BDKRB2: variants seen among roughly 807,000 people sequenced by gnomAD.
The protein encoded by BDKRB2 is B2 bradykinin receptor.
In BDKRB2, 6 loss-of-function variants were observed where a neutral mutation model predicts 4.0. That is an observed-to-expected ratio of 1.49 (90% CI 0.81 to 2.93). BDKRB2 has a LOEUF of 2.93. BDKRB2 is among the 30% of genes most tolerant of loss of function. BDKRB2 has a pLI of 0.00. For synonymous variants in BDKRB2, 225 were observed against 215.3 expected (o/e 1.05, Z -0.40); for missense variants, 478 against 520.1 (o/e 0.92, Z 0.79).
intron 1 of BDKRB2, among the ~76,000 whole-genome samples, chr14:96,224,828 T>A (rs577511350): frequency 6.6e-6 from 1 of 152,146 alleles, no homozygotes; most frequent in Non-Finnish European, 1.5e-5. Flanking sequence ...ATTCTGAAGG[T>A]TGACTCCCTC....
intron 1 of BDKRB2, among the ~76,000 whole-genome samples, chr14:96,224,688 C>A (rs1029081257): frequency 1.3e-5 from 2 of 152,186 alleles, no homozygotes; most frequent in South Asian, 4.1e-4. Context: ...TCAACATTTC[C>A]TGTCTTCTCT....
At chr14:96,236,098 A>G (rs1186615726) in intron 1 of BDKRB2, among the ~76,000 whole-genome samples, 2 of 152,188 alleles carry the variant, frequency 1.3e-5, no homozygotes, top group Admixed American at 6.5e-5. Flanking sequence ...AGGGTCGTCA[A>G]TGGAAGCCCC....
At position 96,241,187 on chromosome 14, in the gene BDKRB2, C is replaced by A; in HGVS notation, c.859C>A (p.Gln287Lys). The A allele has an allele frequency of 6.2e-7, 1 of 1,605,492 alleles. No homozygotes were observed. The highest frequency in any genetic ancestry group is 8.5e-7 in the Non-Finnish European group (1 of 1,173,898). The change falls in exon 3 of 3, where the codon CAG becomes AAG. Residue 287 changes from glutamine (Q) to lysine (K), a missense_variant. Gln to Lys is a moderately conservative substitution (Grantham distance 53). Transcript: ENST00000554311. ...LLFIICWLPFQISTFLDTLHR... is the reference protein window; with the variant it reads ...LLFIICWLPFKISTFLDTLHR... ...ATTCATCATCTGCTGGCTGCCCTTC[C>A]AGATCAGCACCTTCCTGGATACGCT... is the stretch of plus-strand genomic sequence containing the variant.
In BDKRB2 at chr14:96,241,317, T is replaced by G. The variant is rs1376663729; in HGVS notation, c.989T>G (p.Leu330Arg). Reference protein sequence around the residue: ...MAYSNSCLNPLVYVIVGKRFR... With the variant: ...MAYSNSCLNPRVYVIVGKRFR... The stretch of plus-strand genomic sequence containing the variant: ...TACAGCAACAGCTGCCTCAACCCAC[T>G]GGTGTACGTGATCGTGGGCAAGCGC... The change falls in exon 3 of 3, where the codon CTG (leucine) becomes CGG (arginine). Residue 330 changes from leucine (L) to arginine (R), a missense_variant. By Grantham distance (102) the Leu-to-Arg change is moderately radical (BLOSUM62 -2). Coordinates refer to ENST00000554311, the MANE Select transcript of BDKRB2 (RefSeq NM_001379692.1). The G allele has an allele frequency of 1.9e-6, 3 of 1,613,894 alleles. No homozygotes were observed. Among genetic ancestry groups the G allele is most frequent in the Non-Finnish European group, 2.5e-6 (3 of 1,179,956 alleles).
chr14:96,243,877 A>T lies in BDKRB2; in HGVS notation c.*2373A>T. Reference sequence around the variant, plus strand: ...AAAAAGAGGCTGTGTTTTGTCACACAGGGCAGTCATTCAGCACCAGAGCAC... The same window carrying T: ...AAAAAGAGGCTGTGTTTTGTCACACTGGGCAGTCATTCAGCACCAGAGCAC... On this transcript the variant is annotated 3_prime_UTR_variant, in exon 3 of 3. Transcript: ENST00000554311. 1 of 313,560 alleles carries T rather than the reference A, an allele frequency of 3.2e-6. No homozygotes were observed. Among genetic ancestry groups the T allele is most frequent in the Admixed American group, 5.0e-5 (1 of 20,070 alleles). 19.4% of individuals were successfully genotyped at this position (313,560 alleles called of 1,614,324 possible).
intron 1 of BDKRB2, among the ~76,000 whole-genome samples, chr14:96,207,713 G>A (rs185129643): frequency 1.3e-5 from 2 of 152,090 alleles, no homozygotes; most frequent in African/African-American, 4.8e-5. Context: ...AGGCACAGGG[G>A]ATATATGGTA....
intron 1 of BDKRB2, among the ~76,000 whole-genome samples, chr14:96,206,233 AGCCAAGAGAAGGCGTCTT>A (rs1323373588): frequency 4.2e-4 from 64 of 152,324 alleles, no homozygotes; most frequent in African/African-American, 1.5e-3. Flanking sequence ...AGCAGGGGAC[AGCCAAGAGAAGGCGTCTT>A]TGGATGAAAA....
intron 1 of BDKRB2, among the ~76,000 whole-genome samples, chr14:96,225,258 C>T (rs1270709199): frequency 6.6e-6 from 1 of 152,104 alleles, no homozygotes; most frequent in Non-Finnish European, 1.5e-5. Flanking sequence ...AATTAAAGCT[C>T]AGAGATGCCG....
chr14:96,214,260 A>G (rs1890368352), intron 1 of BDKRB2, among the ~76,000 whole-genome samples: 1 of 152,044 alleles, frequency 6.6e-6, no homozygotes, highest in South Asian at 2.1e-4. Flanking sequence ...GTCTGTTTGG[A>G]CTGTGGTGTC....
At chr14:96,221,426 C>T (rs1163903226) in intron 1 of BDKRB2, among the ~76,000 whole-genome samples, 1 of 152,140 alleles carries the variant, frequency 6.6e-6, no homozygotes, top group Non-Finnish European at 1.5e-5. Flanking sequence ...GCCCTGCTGG[C>T]TGTAGACCAC....
intron 1 of BDKRB2, among the ~76,000 whole-genome samples, chr14:96,212,849 A>G (rs1890332479): frequency 6.6e-6 from 1 of 152,176 alleles, no homozygotes; most frequent in Non-Finnish European, 1.5e-5. Context: ...ATAGAAAGGT[A>G]GGATAGCAGG....
At chr14:96,233,393 G>T (rs1890864387) in intron 1 of BDKRB2, 1 of 152,434 alleles carries the variant, frequency 6.6e-6, no homozygotes, top group African/African-American at 2.4e-5. Context: ...GTGGGACCAG[G>T]GGGCACGAGC....
At chr14:96,237,046 A>G (rs779027982) in intron 1 of BDKRB2, 23 bp from the exon 2 acceptor site, 4 of 1,409,664 alleles carry the variant, frequency 2.8e-6, no homozygotes, top group Non-Finnish European at 4.0e-6. Flanking sequence ...GTGCCATCTA[A>G]CCATCTTTTC....
At chr14:96,218,004 C>T (rs888980014) in intron 1 of BDKRB2, among the ~76,000 whole-genome samples, 8 of 152,112 alleles carry the variant, frequency 5.3e-5, no homozygotes, top group African/African-American at 1.7e-4. Flanking sequence ...AATCACTTCC[C>T]TTTGCTGAGC....
intron 1 of BDKRB2, among the ~76,000 whole-genome samples, chr14:96,215,068 AG>A (rs572553596): frequency 9.9e-4 from 151 of 152,364 alleles, no homozygotes; most frequent in African/African-American, 3.3e-3. Context: ...TTATTGCCAA[AG>A]GAATATATGT....
intron 1 of BDKRB2, among the ~76,000 whole-genome samples, chr14:96,227,459 G>A (rs1000410527): frequency 2.0e-5 from 3 of 152,138 alleles, no homozygotes; most frequent in African/African-American, 7.2e-5. Context: ...CACAAGACTT[G>A]TGTAGTTCCA....
At chr14:96,222,132 G>A (rs1180181732) in intron 1 of BDKRB2, among the ~76,000 whole-genome samples, 2 of 152,002 alleles carry the variant, frequency 1.3e-5, no homozygotes, top group Non-Finnish European at 2.9e-5. Flanking sequence ...CAGCATCAGG[G>A]AAACATTTAC....
chr14:96,216,350 G>GC (rs1402817411), intron 1 of BDKRB2, among the ~76,000 whole-genome samples: 1 of 152,110 alleles, frequency 6.6e-6, no homozygotes, highest in Admixed American at 6.5e-5. Context: ...CAAGAAGTAG[G>GC]CCAGGCATGG....
At chr14:96,240,155 A>T in intron 2 of BDKRB2, 2 of 1,228,408 alleles carry the variant, frequency 1.6e-6, no homozygotes, top group Non-Finnish European at 2.0e-6. Context: ...TGGCCAAGGA[A>T]ATATCCCAGT....
Sources: gnomAD v4.1 joint callset for allele counts (sites outside exome capture counted in the v4.1 genomes callset) on GRCh38, gnomAD v4.1.1 for gene constraint, MANE v1.5 for transcripts, NCBI Gene and HGNC (gene_info 2026-07-23, HGNC 2026-07-21) for gene names.